The following SKIL variants were observed in gnomAD, a reference collection of about 807,000 sequenced individuals.
The protein encoded by SKIL is SKI like proto-oncogene.
In SKIL, 20 loss-of-function variants were observed where a neutral mutation model predicts 69.6. The ratio of observed to expected loss-of-function variants is 0.29; its 90% CI spans 0.20 to 0.42. The LOEUF (loss-of-function observed/expected upper bound fraction) is 0.42, where lower values mean the gene tolerates loss of function less well. Ranked by LOEUF, SKIL falls within the 10% of genes least tolerant of loss-of-function variation. The probability of loss-of-function intolerance (pLI) is 1.00; values close to 1 mark genes in which losing one functional copy is unlikely to be tolerated. For missense variants in SKIL, 745 were observed against 783.1 expected, an observed-to-expected ratio of 0.95 and a Z score of 0.58; for synonymous variants, 310 against 279.9, an observed-to-expected ratio of 1.11 and a Z score of -1.08.
chr3:170,391,064 C>G lies in SKIL; in HGVS notation c.1700C>G (p.Ser567Cys). 1 of 1,591,242 alleles carries G rather than the reference C, an allele frequency of 6.3e-7. No individual in the cohort carries two copies. The highest frequency in any genetic ancestry group is 1.1e-5 in the South Asian group (1 of 89,550). The stretch of plus-strand genomic sequence containing the variant: ...GTAAAAATGTTGAGTAGTTCAAAAT[C>G]TATGAAGGAACTCACTGAAGAACAG... The part of the protein sequence containing the change: ...MEVKMLSSSK[S>C]MKELTEEQQN... The change falls in exon 6 of 7, where the codon TCT becomes TGT. Residue 567 changes from serine (S) to cysteine (C), a missense_variant. By Grantham distance (112) the Ser-to-Cys change is moderately radical. Coordinates refer to ENST00000259119, the MANE Select transcript of SKIL (RefSeq NM_005414.5).
intron 2 of SKIL, among the ~76,000 whole-genome samples, chr3:170,375,654 A>G (rs941347985): frequency 8.5e-5 from 13 of 152,174 alleles, no homozygotes; most frequent in Non-Finnish European, 1.5e-4. Context: ...GCTCACAGCA[A>G]CCTCAAACCT....
chr3:170,382,672 C>T (rs1737414616), intron 3 of SKIL, among the ~76,000 whole-genome samples: 1 of 149,356 alleles, frequency 6.7e-6, no homozygotes, highest in Admixed American at 6.7e-5. Flanking sequence ...TCCCAAAGTG[C>T]TGCTAGGATT....
intron 2 of SKIL, among the ~76,000 whole-genome samples, chr3:170,365,221 G>A (rs1736440246): frequency 6.6e-6 from 1 of 152,152 alleles, no homozygotes; most frequent in South Asian, 2.1e-4. Context: ...CCAGAATCAG[G>A]AGTTGAATAC....
At chr3:170,383,908 AC>A (rs1737485299) in intron 3 of SKIL, among the ~76,000 whole-genome samples, 1 of 151,980 alleles carries the variant, frequency 6.6e-6, no homozygotes, top group Admixed American at 6.6e-5. Flanking sequence ...AGTAAAACTT[AC>A]CTGCTCAGAG....
In SKIL at chr3:170,368,688, CTG is replaced by C. The variant is rs1560209559; in HGVS notation, c.1098+7260_1098+7261del. On this transcript the variant is annotated intron_variant, in intron 2 of 6. Transcript: ENST00000259119. ...TATATTTCTGAGACAAACAAGATAA[CTG>C]AATGTTGGGTTCAAATGTATCTCAT... 2.0e-5 allele frequency among the ~76,000 whole-genome samples: 3 copies of C among 152,118 alleles called. No homozygotes were observed. In the East Asian group the frequency reaches 5.8e-4, roughly 29 times the overall value.
Position 170,360,467 on chromosome 3 carries a change from G to A in SKIL, c.136G>A (p.Val46Met), listed in dbSNP as rs370366649. Residue 46 changes from valine (V) to methionine (M), a missense_variant, in exon 2 of 7, where the codon GTG becomes ATG. By Grantham distance (21) the Val-to-Met change is conservative (BLOSUM62 1). Transcript: ENST00000259119. Reference protein sequence around the residue: ...IHANGKTINKVPTVKKEHLDD... With the variant: ...IHANGKTINKMPTVKKEHLDD... ...TGCAAATGGAAAAACGATAAACAAG[G>A]TGCCAACAGTTAAGAAGGAACACTT... The A allele has an allele frequency of 2.9e-5, 47 of 1,613,870 alleles. No homozygotes were observed. Among genetic ancestry groups the A allele is most frequent in the Non-Finnish European group, 3.6e-5 (43 of 1,180,000 alleles).
In SKIL at chr3:170,357,742, ACGGCGGCGGCGG is replaced by A. The variant is rs542866555; in HGVS notation, c.-651_-640del. The A allele has an allele frequency of 6.2e-6, 1 of 162,126 alleles. No homozygotes were observed. The highest frequency in any genetic ancestry group is 1.9e-4 in the East Asian group (1 of 5,306). 10.0% of individuals were successfully genotyped at this position (162,126 alleles called of 1,614,324 possible). A position where few individuals can be genotyped will look rare whatever the true frequency, so the allele number is the denominator to read the frequency against. ...AGCCGAAGGGAGCGGGCGAGCGGCG[ACGGCGGCGGCGG>A]CGGGCACAGGTGCGGCTCCGGCTTA... On this transcript the variant is annotated 5_prime_UTR_variant, in exon 1 of 7. Transcript: ENST00000259119.
chr3:170,392,252 C>A lies in SKIL; in HGVS notation c.1897-7C>A. The A allele has an allele frequency of 6.4e-7, 1 of 1,572,498 alleles. No individual in the cohort carries two copies. Among genetic ancestry groups the A allele is most frequent in the Non-Finnish European group, 8.6e-7 (1 of 1,163,404 alleles). ...TTAAAATTGATAGCGCCTTTTAAATCACATAGTTGGCAGAACTGAGGCAGA... is the reference window on the plus strand; with the variant it reads ...TTAAAATTGATAGCGCCTTTTAAATAACATAGTTGGCAGAACTGAGGCAGA... On this transcript the variant is annotated splice_region_variant and splice_polypyrimidine_tract_variant and intron_variant, in intron 6 of 6. Transcript: ENST00000259119.
intron 2 of SKIL, among the ~76,000 whole-genome samples, chr3:170,368,398 A>G (rs1315349183): frequency 6.6e-6 from 1 of 152,220 alleles, no homozygotes; most frequent in Non-Finnish European, 1.5e-5. Flanking sequence ...GCACTCAATT[A>G]AATTTTTCTT....
Position 170,391,074 on chromosome 3 carries a change from A to C in SKIL, c.1710A>C (p.Glu570Asp). 6.2e-7 allele frequency: 1 copy of C among 1,601,798 alleles called. No homozygotes were observed. The highest frequency in any genetic ancestry group is 8.6e-7 in the Non-Finnish European group (1 of 1,169,572). The change falls in exon 6 of 7, where the codon GAA (glutamate) becomes GAC (aspartate). Residue 570 changes from glutamate to aspartate, a missense_variant. Transcript: ENST00000259119. ...KMLSSSKSMKELTEEQQNLQK... is the reference protein window; with the variant it reads ...KMLSSSKSMKDLTEEQQNLQK... ...TGAGTAGTTCAAAATCTATGAAGGA[A>C]CTCACTGAAGAACAGCAGAATTTAC...
chr3:170,368,437 A>C (rs1344177344), intron 2 of SKIL, among the ~76,000 whole-genome samples: 1 of 152,228 alleles, frequency 6.6e-6, no homozygotes. Context: ...TTTGAAAAAT[A>C]ACACTAAACT....
At chr3:170,385,630 G>T (rs1737582493) in intron 4 of SKIL, among the ~76,000 whole-genome samples, 1 of 152,132 alleles carries the variant, frequency 6.6e-6, no homozygotes, top group Admixed American at 6.5e-5. Flanking sequence ...AATGAGACAT[G>T]TCTGCAGATA....
rs1327137951 is a variant in SKIL, at chr3:170,392,876, T to C, written c.*459T>C. 1 of 152,572 alleles carries C rather than the reference T, an allele frequency of 6.6e-6. No individual in the cohort carries two copies. Among genetic ancestry groups the C allele is most frequent in the Admixed American group, 6.5e-5 (1 of 15,294 alleles). The allele number at this position is 152,572 out of a possible 1,614,324, so 9.5% of individuals were successfully genotyped here. A position where few individuals can be genotyped will look rare whatever the true frequency, so the allele number is the denominator to read the frequency against. ...CCTTTTCTCATTAACACAATTTTTC[T>C]AAGTTGATATGGTGTACTCATTAAC... On this transcript the variant is annotated 3_prime_UTR_variant, in exon 7 of 7. Transcript: ENST00000259119.
intron 2 of SKIL, among the ~76,000 whole-genome samples, chr3:170,368,505 A>G (rs888607200): frequency 2.0e-5 from 3 of 152,240 alleles, no homozygotes; most frequent in African/African-American, 7.2e-5. Flanking sequence ...AACAGATACA[A>G]TTTGCACATA....
chr3:170,382,359 T>C (rs937415813), intron 3 of SKIL, among the ~76,000 whole-genome samples: 4 of 152,092 alleles, frequency 2.6e-5, no homozygotes, highest in Non-Finnish European at 4.4e-5. Flanking sequence ...CTTTAATTTC[T>C]TACTTTTCTT....
At chr3:170,391,410 C>T (rs959108003) in intron 6 of SKIL, 150 bp downstream of exon 6, 64 of 575,982 alleles carry the variant, frequency 1.1e-4, no homozygotes, top group African/African-American at 8.0e-4. Flanking sequence ...CTCTGCCTCC[C>T]GGGTTCAAGC....
intron 2 of SKIL, among the ~76,000 whole-genome samples, chr3:170,374,115 G>A (rs2108205228): frequency 6.6e-6 from 1 of 152,332 alleles, no homozygotes; most frequent in African/African-American, 2.4e-5. Flanking sequence ...AAAGGGTCAC[G>A]TATACAGAAT....
intron 5 of SKIL, among the ~76,000 whole-genome samples, chr3:170,390,817 T>A (rs1737873200): frequency 1.3e-5 from 2 of 152,200 alleles, no homozygotes; most frequent in Admixed American, 1.3e-4. Context: ...CAAAACGAGA[T>A]GCTACAAATG....
chr3:170,391,004 TA>T, intron 5 of SKIL, 31 bp from the exon 6 acceptor site: 1 of 1,193,452 alleles, frequency 8.4e-7, no homozygotes, highest in Non-Finnish European at 1.2e-6. Context: ...GAAAATAAAG[TA>T]AAACTTGTAT....
Sources: gnomAD v4.1 joint callset for allele counts (sites outside exome capture counted in the v4.1 genomes callset) on GRCh38, gnomAD v4.1.1 for gene constraint, MANE v1.5 for transcripts, NCBI Gene and HGNC (gene_info 2026-07-23, HGNC 2026-07-21) for gene names.